KCTD1: variants seen among roughly 807,000 people sequenced by gnomAD.
KCTD1 encodes the protein BTB/POZ domain-containing protein KCTD1.
Under a neutral mutation model 66.0 loss-of-function variants are expected in KCTD1, and 24 were observed. The ratio of observed to expected loss-of-function variants is 0.36; its 90% CI spans 0.26 to 0.51. The LOEUF (loss-of-function observed/expected upper bound fraction) is 0.51. Ranked by LOEUF, KCTD1 falls within the 20% of genes least tolerant of loss-of-function variation. The pLI is 0.95. For missense variants in KCTD1, 943 were observed against 1,205.2 expected (o/e 0.78, Z 3.22); for synonymous variants, 511 against 517.2 (o/e 0.99, Z 0.16).
chr18:26,551,545 C>G (rs1985566823), upstream of KCTD1, among the ~76,000 whole-genome samples: 1 of 152,034 alleles, frequency 6.6e-6, no homozygotes, highest in Non-Finnish European at 1.5e-5. Context: ...TAGGATACTT[C>G]ATTAAATACT....
chr18:26,546,657 G>C, intron 1 of KCTD1, 71 bp downstream of exon 1: 5 of 1,463,084 alleles, frequency 3.4e-6, no homozygotes, highest in Non-Finnish European at 4.5e-6. Flanking sequence ...ACCCAGAGCT[G>C]CATTAGCACA....
intron 1 of KCTD1, among the ~76,000 whole-genome samples, chr18:26,556,005 G>C (rs9789177): frequency 0.057 from 8,460 of 149,664 alleles, 293 homozygotes; most frequent in African/African-American, 0.085. Context: ...TACCTGCCCC[G>C]TGGCTGTGTT....
chr18:26,577,368 C>T (rs1019553721), intron 1 of KCTD1, among the ~76,000 whole-genome samples: 1 of 152,146 alleles, frequency 6.6e-6, no homozygotes, highest in East Asian at 1.9e-4. Context: ...ATGACACCTC[C>T]CTTGTTAATG....
intron 1 of KCTD1, among the ~76,000 whole-genome samples, chr18:26,606,583 G>C (rs946705405): frequency 2.0e-5 from 3 of 152,280 alleles, no homozygotes; most frequent in Non-Finnish European, 2.9e-5. Flanking sequence ...GCGATCTCTT[G>C]AACCTGTCTC....
intron 2 of KCTD1, among the ~76,000 whole-genome samples, chr18:26,498,581 A>G (rs1320373326): frequency 1.3e-5 from 2 of 151,944 alleles, no homozygotes; most frequent in Non-Finnish European, 1.5e-5. Flanking sequence ...AAAATTACTG[A>G]GTTTACATTT....
chr18:26,490,548 GGCT>G (rs1446493371), intron 2 of KCTD1, among the ~76,000 whole-genome samples: 1 of 152,164 alleles, frequency 6.6e-6, no homozygotes, highest in African/African-American at 2.4e-5. Context: ...CAGGTCCTAA[GGCT>G]ACTCTAGCAC....
chr18:26,505,344 G>T (rs1429909928), intron 1 of KCTD1, among the ~76,000 whole-genome samples: 2 of 152,248 alleles, frequency 1.3e-5, no homozygotes, highest in African/African-American at 4.8e-5. Flanking sequence ...GAGTGCAAGG[G>T]ACTTGGATGT....
intron 1 of KCTD1, among the ~76,000 whole-genome samples, chr18:26,614,818 G>C (rs979202405): frequency 6.6e-6 from 1 of 152,194 alleles, no homozygotes; most frequent in Admixed American, 6.5e-5. Context: ...CACTTATCTT[G>C]TTCCCTTAAA....
intron 1 of KCTD1, among the ~76,000 whole-genome samples, chr18:26,560,515 G>A (rs1016039115): frequency 6.6e-6 from 1 of 152,156 alleles, no homozygotes; most frequent in Non-Finnish European, 1.5e-5. Flanking sequence ...TCTGGGAAGT[G>A]GCCTGGGCAT....
intron 1 of KCTD1, among the ~76,000 whole-genome samples, chr18:26,624,301 A>G (rs569427611): frequency 6.6e-6 from 1 of 152,338 alleles, no homozygotes; most frequent in East Asian, 1.9e-4. Context: ...GACAATGGGG[A>G]AAATGTCCCC....
intron 1 of KCTD1, among the ~76,000 whole-genome samples, chr18:26,624,396 C>T (rs1292898603): frequency 6.6e-6 from 1 of 152,170 alleles, no homozygotes; most frequent in East Asian, 1.9e-4. Context: ...TGGGCAAGAC[C>T]CAGGGACCCC....
rs113605168 is a variant in KCTD1 at position 26,627,194 on chromosome 18, A to AT, written c.-16+1952dup. Among the ~76,000 whole-genome samples, 1,156 of 148,192 alleles carry AT rather than the reference A, an allele frequency of 7.8e-3. 19 individuals carry two copies. The highest frequency in any genetic ancestry group is 0.028 in the African/African-American group (1,094 of 39,580). ...CATGTACTGTCTTCTACAGCTTTTG[A>AT]TTTTTTTCTTATGATTTTGTTGACT... On this transcript the variant is annotated intron_variant, in intron 1 of 4. Coordinates refer to the KCTD1 transcript ENST00000317932.
At chr18:26,507,129 G>C (rs1983082999) in intron 1 of KCTD1, among the ~76,000 whole-genome samples, 1 of 152,160 alleles carries the variant, frequency 6.6e-6, no homozygotes, top group Non-Finnish European at 1.5e-5. Context: ...TCGCGCCACT[G>C]TACTCCAGCC....
At chr18:26,623,301 C>T (rs763230075) in intron 1 of KCTD1, among the ~76,000 whole-genome samples, 3 of 152,146 alleles carry the variant, frequency 2.0e-5, no homozygotes, top group African/African-American at 4.8e-5. Flanking sequence ...GAATAAATTC[C>T]TCTTTCCTTA....
chr18:26,476,785 T>C lies in KCTD1; in HGVS notation c.1989-126A>G, dbSNP rs1981372726. ...AGATGGCAGTAGGGAAAAATTACGATTGTCTGCAAAGTGTTGGTCCCCGCT... is the reference window on the plus strand; with the variant it reads ...AGATGGCAGTAGGGAAAAATTACGACTGTCTGCAAAGTGTTGGTCCCCGCT... On this transcript the variant is annotated intron_variant, in intron 2 of 4. Transcript: ENST00000580059. The surrounding 1 kb of genome is among the most constrained non-coding windows in gnomAD (Gnocchi z 4.9). 4 of 768,414 alleles carry C rather than the reference T, an allele frequency of 5.2e-6. No homozygotes were observed. The highest frequency in any genetic ancestry group is 8.5e-6 in the Non-Finnish European group (4 of 469,402). The allele number at this position is 768,414 out of a possible 1,614,324, so 47.6% of individuals were successfully genotyped here. A position where few individuals can be genotyped will look rare whatever the true frequency, so the allele number is the denominator to read the frequency against.
chr18:26,492,605 C>CGATA, intron 2 of KCTD1, among the ~76,000 whole-genome samples: 1 of 138,606 alleles, frequency 7.2e-6, no homozygotes. Context: ...GACACTGTCT[C>CGATA]AATAAATAAA....
chr18:26,532,261 C>CTTTTTTTTTTTTTTTTTTTTT lies in KCTD1; in HGVS notation c.1809+14446_1809+14466dup, dbSNP rs533359603. Among the ~76,000 whole-genome samples the CTTTTTTTTTTTTTTTTTTTTT allele has an allele frequency of 8.1e-4, 24 of 29,556 alleles. 2 individuals are homozygous for CTTTTTTTTTTTTTTTTTTTTT. Among genetic ancestry groups the CTTTTTTTTTTTTTTTTTTTTT allele is most frequent in the African/African-American group, 1.3e-3 (20 of 15,372 alleles). The allele number at this position is 29,556 out of a possible 152,430, so 19.4% of individuals were successfully genotyped here. A position where few individuals can be genotyped will look rare whatever the true frequency, so the allele number is the denominator to read the frequency against. ...CTTTTTCTTTTTCTTTTCTTTCCTT[C>CTTTTTTTTTTTTTTTTTTTTT]TTTTTTTTTTTTTTTTTTTTTTTTT... On this transcript the variant is annotated intron_variant, in intron 1 of 4. Coordinates refer to ENST00000580059, the MANE Select transcript of KCTD1 (RefSeq NM_001142730.3).
Position 26,476,545 on chromosome 18 carries a change from T to G in KCTD1, c.2103A>C (p.Thr701=), listed in dbSNP as rs1297319931. The stretch of plus-strand genomic sequence containing the variant: ...AATCATCAGGAATGAGGAGTTTGGA[T>G]GTTCGTAGAAAATTCAAGATATATC... ...MFRYILNFLR[T]SKLLIPDDFK... Residue 701 remains threonine (T), a synonymous_variant, in exon 3 of 5, where the codon ACA becomes ACC. Transcript: ENST00000580059. The surrounding 1 kb of genome is among the most constrained non-coding windows in gnomAD (Gnocchi z 4.9). The G allele has an allele frequency of 6.2e-7, 1 of 1,613,394 alleles. No homozygotes were observed. The highest frequency in any genetic ancestry group is 8.5e-7 in the Non-Finnish European group (1 of 1,179,804).
chr18:26,534,773 T>G (rs1389289503), intron 1 of KCTD1, among the ~76,000 whole-genome samples: 1 of 152,182 alleles, frequency 6.6e-6, no homozygotes, highest in Non-Finnish European at 1.5e-5. Flanking sequence ...CCCTTGGTAA[T>G]TCTACCAGAA....
Sources: gnomAD v4.1 joint callset for allele counts (sites outside exome capture counted in the v4.1 genomes callset) on GRCh38, gnomAD v4.1.1 for gene constraint, Gnocchi (gnomAD v3.1) non-coding constraint, MANE v1.5 for transcripts, NCBI Gene and HGNC (gene_info 2026-07-23, HGNC 2026-07-21) for gene names.